The following PLA2G4A variants were observed in gnomAD, a reference collection of about 807,000 sequenced individuals.
PLA2G4A encodes the protein cytosolic phospholipase A2.
In PLA2G4A, 40 loss-of-function variants were observed where a neutral mutation model predicts 81.9. That is an observed-to-expected ratio of 0.49 (90% CI 0.38 to 0.64). The LOEUF is 0.64. Ranked by LOEUF, PLA2G4A falls within the 30% of genes least tolerant of loss-of-function variation. PLA2G4A has a pLI of 0.00. For missense variants in PLA2G4A, 715 were observed against 905.1 expected, an observed-to-expected ratio of 0.79 and a Z score of 2.69; for synonymous variants, 302 against 296.9, an observed-to-expected ratio of 1.02 and a Z score of -0.18.
intron 12 of PLA2G4A, among the ~76,000 whole-genome samples, 155 bp from the exon 13 acceptor site, chr1:186,950,502 C>G (rs12720639): frequency 0.21 from 32,078 of 151,982 alleles, 3,929 homozygotes; most frequent in Admixed American, 0.33. Flanking sequence ...ATGATTAAAT[C>G]TAATAAATCT....
intron 3 of PLA2G4A, among the ~76,000 whole-genome samples, chr1:186,880,835 T>C (rs1571361199): frequency 1.3e-5 from 2 of 152,114 alleles, no homozygotes; most frequent in Admixed American, 1.3e-4. Context: ...TAGATACAGA[T>C]TCCAAAGATA....
chr1:186,913,533 A>G (rs1165871244), intron 7 of PLA2G4A, among the ~76,000 whole-genome samples: 4 of 152,104 alleles, frequency 2.6e-5, no homozygotes, highest in Non-Finnish European at 5.9e-5. Context: ...ATGATAATGA[A>G]GTTTCTTGTT....
chr1:186,841,083 A>G (rs968675944), intron 1 of PLA2G4A, among the ~76,000 whole-genome samples: 1 of 152,168 alleles, frequency 6.6e-6, no homozygotes, highest in African/African-American at 2.4e-5. Context: ...ATTCTTCTAT[A>G]TTTTCTGAAA....
intron 14 of PLA2G4A, among the ~76,000 whole-genome samples, chr1:186,963,749 G>A (rs1262175277): frequency 6.6e-6 from 1 of 152,130 alleles, no homozygotes; most frequent in Non-Finnish European, 1.5e-5. Flanking sequence ...TTTAATAGAT[G>A]TAAGGAAACA....
At chr1:186,937,576 A>T (rs1655998095) in intron 8 of PLA2G4A, among the ~76,000 whole-genome samples, 1 of 151,468 alleles carries the variant, frequency 6.6e-6, no homozygotes, top group Non-Finnish European at 1.5e-5. Flanking sequence ...TTTTTTCTGC[A>T]CATGTGATCC....
At chr1:186,848,750 CACAT>C (rs1174819653) in intron 1 of PLA2G4A, among the ~76,000 whole-genome samples, 2 of 151,962 alleles carry the variant, frequency 1.3e-5, no homozygotes, top group Admixed American at 1.3e-4. Flanking sequence ...CACACATACA[CACAT>C]ACATACACAC....
intron 7 of PLA2G4A, among the ~76,000 whole-genome samples, chr1:186,918,584 T>A (rs1288858816): frequency 6.6e-6 from 1 of 152,194 alleles, no homozygotes; most frequent in Non-Finnish European, 1.5e-5. Context: ...CCTTGTGAGT[T>A]GATGAAGCTG....
At chr1:186,924,301 A>G (rs1655467498) in intron 7 of PLA2G4A, among the ~76,000 whole-genome samples, 2 of 152,170 alleles carry the variant, frequency 1.3e-5, no homozygotes, top group South Asian at 4.1e-4. Flanking sequence ...CGTCTCCAAC[A>G]TTTTCTATAC....
intron 8 of PLA2G4A, among the ~76,000 whole-genome samples, chr1:186,934,747 G>C (rs1655881292): frequency 6.6e-6 from 1 of 151,666 alleles, no homozygotes; most frequent in East Asian, 1.9e-4. Context: ...GGGAGGGAGG[G>C]ATTGGAGATT....
chr1:186,915,873 T>C (rs1351920542), intron 7 of PLA2G4A, among the ~76,000 whole-genome samples: 3 of 152,180 alleles, frequency 2.0e-5, no homozygotes, highest in Admixed American at 6.5e-5. Flanking sequence ...CTTCTCTAGC[T>C]ATGCAATATT....
At chr1:186,892,987 C>A in intron 3 of PLA2G4A, 24 bp from the exon 4 acceptor site, 1 of 1,580,076 alleles carries the variant, frequency 6.3e-7, no homozygotes, top group Non-Finnish European at 8.7e-7. Context: ...CTACCTCCTT[C>A]TTGTTTGTGT....
At chr1:186,950,136 T>C (rs758472305) in intron 12 of PLA2G4A, among the ~76,000 whole-genome samples, 1 of 152,344 alleles carries the variant, frequency 6.6e-6, no homozygotes, top group African/African-American at 2.4e-5. Context: ...TAATATGTTC[T>C]GCAGGAAGCA....
At chr1:186,835,499 A>G (rs979729603) in intron 1 of PLA2G4A, among the ~76,000 whole-genome samples, 2 of 152,178 alleles carry the variant, frequency 1.3e-5, no homozygotes, top group African/African-American at 4.8e-5. Context: ...CAGTTATGGG[A>G]TCATTCTGTA....
intron 7 of PLA2G4A, among the ~76,000 whole-genome samples, chr1:186,913,645 TA>T: frequency 6.8e-6 from 1 of 146,652 alleles, no homozygotes; most frequent in Non-Finnish European, 1.5e-5. Flanking sequence ...AATAATATTT[TA>T]AATACATAAG....
chr1:186,850,756 G>C (rs1183428636), intron 1 of PLA2G4A, among the ~76,000 whole-genome samples: 1 of 152,024 alleles, frequency 6.6e-6, no homozygotes, highest in Non-Finnish European at 1.5e-5. Flanking sequence ...TCCACTTGGA[G>C]AGTGTCAAGT....
intron 7 of PLA2G4A, among the ~76,000 whole-genome samples, chr1:186,914,529 G>T (rs1655073433): frequency 1.3e-5 from 2 of 152,072 alleles, no homozygotes; most frequent in African/African-American, 4.8e-5. Context: ...ACTCTAAGGG[G>T]GTCAGCTTGA....
chr1:186,866,828 T>C (rs1375054821), intron 2 of PLA2G4A, among the ~76,000 whole-genome samples: 1 of 152,150 alleles, frequency 6.6e-6, no homozygotes, highest in African/African-American at 2.4e-5. Context: ...TGGAGAAAGC[T>C]AATTTTTAAG....
At chr1:186,985,926 T>C (rs1657877809) in intron 17 of PLA2G4A, among the ~76,000 whole-genome samples, 1 of 152,224 alleles carries the variant, frequency 6.6e-6, no homozygotes. Context: ...TTTTTGAATA[T>C]ATGTAGTTGT....
At chr1:186,829,123 A>G (rs1651460598) in intron 1 of PLA2G4A, 88 bp downstream of exon 1, 1 of 152,244 alleles carries the variant, frequency 6.6e-6, no homozygotes, top group African/African-American at 2.4e-5. Context: ...TTGGTAGTTT[A>G]CTTGGAAGGA....
Sources: gnomAD v4.1 joint callset for allele counts (sites outside exome capture counted in the v4.1 genomes callset) on GRCh38, gnomAD v4.1.1 for gene constraint, MANE v1.5 for transcripts, NCBI Gene and HGNC (gene_info 2026-07-23, HGNC 2026-07-21) for gene names.